The following ALG8 variants were observed in gnomAD, a reference collection of about 807,000 sequenced individuals.
ALG8 encodes the protein dolichyl pyrophosphate Glc1Man9GlcNAc2 alpha-1,3-glucosyltransferase.
ALG8 carries 48 observed loss-of-function variants against 70.2 expected under a neutral mutation model. The observed-to-expected ratio is 0.68, with a 90% CI of 0.54 to 0.87. The LOEUF is 0.87. ALG8 is among the 40% of genes least tolerant of loss of function. ALG8 has a pLI of 0.00. For missense variants in ALG8, 572 were observed against 608.7 expected (o/e 0.94, Z 0.64); for synonymous variants, 234 against 229.0 (o/e 1.02, Z -0.20).
At chr11:78,126,899 G>A (rs1474518463) in intron 2 of ALG8, among the ~76,000 whole-genome samples, 1 of 152,186 alleles carries the variant, frequency 6.6e-6, no homozygotes, top group East Asian at 1.9e-4. Context: ...TTGAAGTAAG[G>A]GGATTCCCTA....
intron 8 of ALG8, among the ~76,000 whole-genome samples, chr11:78,111,708 A>G (rs1860299476): frequency 6.6e-6 from 1 of 152,120 alleles, no homozygotes; most frequent in Admixed American, 6.5e-5. Context: ...GTTACAGAAA[A>G]AGTTTGCTGA....
chr11:78,121,288 T>A, intron 3 of ALG8, 114 bp from the exon 4 acceptor site: 5 of 186,706 alleles, frequency 2.7e-5, no homozygotes, highest in Non-Finnish European at 4.2e-5. Context: ...CATGCCATTC[T>A]TTTTTTTTTT....
chr11:78,139,236 C>T (rs1161609576), intron 1 of ALG8: 1 of 520,366 alleles, frequency 1.9e-6, no homozygotes, highest in Non-Finnish European at 3.5e-6. Context: ...TTCTTAACTG[C>T]CTATTAAGGA....
In ALG8 at chr11:78,121,167, T is replaced by C. The variant is rs762169500; in HGVS notation, c.376A>G (p.Lys126Glu). 1.1e-5 allele frequency: 17 copies of C among 1,605,706 alleles called. No individual in the cohort carries two copies. Among genetic ancestry groups the C allele is most frequent in the Non-Finnish European group, 1.4e-5 (17 of 1,172,784 alleles). Residue 126 changes from lysine (K) to glutamate (E), a missense_variant, in exon 4 of 13, where the codon AAA becomes GAA. Physicochemically the swap from Lys to Glu is moderately conservative, Grantham distance 56. Transcript: ENST00000299626. ...LFVYAVRECC[K>E]CIDGKKVGKE... ...CCCACTTTTTTTCCATCAATGCATT[T>C]ACAGCACCTACATTGAAACATTAGG...
Position 78,124,258 on chromosome 11 carries a change from T to G in ALG8, c.175-44A>C, listed in dbSNP as rs2136926142. 5.7e-6 allele frequency: 9 copies of G among 1,580,314 alleles called. No individual in the cohort carries two copies. In the East Asian group the frequency reaches 2.0e-4, roughly 35 times the overall value. On this transcript the variant is annotated intron_variant, in intron 2 of 12. Coordinates refer to ENST00000299626, the MANE Select transcript of ALG8 (RefSeq NM_024079.5). ...ATCAGACATATCCTAAATAACTGAA[T>G]AAACAAAGATGGTGCAACGATTTAA...
At chr11:78,137,457 T>C (rs1166053484) in intron 1 of ALG8, 1 of 152,192 alleles carries the variant, frequency 6.6e-6, no homozygotes, top group Non-Finnish European at 1.5e-5. Flanking sequence ...CTTGGCTGTT[T>C]GGCACAATGG....
intron 5 of ALG8, among the ~76,000 whole-genome samples, chr11:78,115,280 T>A (rs1860505570): frequency 6.6e-6 from 1 of 152,100 alleles, no homozygotes; most frequent in Non-Finnish European, 1.5e-5. Context: ...GTGATCCACC[T>A]GCCTCGGCCT....
chr11:78,113,844 A>C (rs781329791), intron 7 of ALG8, 42 bp downstream of exon 7: 18 of 1,433,310 alleles, frequency 1.3e-5, no homozygotes, highest in Non-Finnish European at 1.7e-5. Flanking sequence ...AACACCAACA[A>C]AGAACATGTA....
intron 12 of ALG8, among the ~76,000 whole-genome samples, chr11:78,101,465 C>T (rs1268548477): frequency 6.6e-6 from 1 of 151,826 alleles, no homozygotes; most frequent in Non-Finnish European, 1.5e-5. Flanking sequence ...CCCATCTCTA[C>T]TAAAAATACA....
At position 78,119,101 on chromosome 11, in the gene ALG8, C is replaced by G. The variant is rs1371503166; in HGVS notation, c.546+81G>C. On this transcript the variant is annotated intron_variant, in intron 5 of 12. Transcript: ENST00000299626. ...GCTCAAAACAGTCAAATAAATTTAC[C>G]TATCACCCACTACACTGTTCCCTTT... The G allele has an allele frequency of 1.2e-5, 13 of 1,065,034 alleles. No homozygotes were observed. In the Admixed American group the frequency reaches 2.1e-4, roughly 17 times the overall value. 66.0% of individuals were successfully genotyped at this position (1,065,034 alleles called of 1,614,324 possible).
At chr11:78,101,239 C>A (rs752715301) in intron 12 of ALG8, 44 bp from the exon 13 acceptor site, 21 of 1,511,832 alleles carry the variant, frequency 1.4e-5, no homozygotes, top group Non-Finnish European at 1.5e-5. Flanking sequence ...GATGAGTCAT[C>A]CTGGTTTAGC....
At chr11:78,103,553 G>T (rs1205121545) in intron 12 of ALG8, 1 of 155,510 alleles carries the variant, frequency 6.4e-6, no homozygotes, top group Non-Finnish European at 1.4e-5. Flanking sequence ...GCTTGAACCC[G>T]GTAGGCGGAG....
intron 1 of ALG8, chr11:78,135,233 A>C (rs7931687): frequency 6.6e-6 from 1 of 151,934 alleles, no homozygotes; most frequent in African/African-American, 2.4e-5. Flanking sequence ...CACACACCTT[A>C]AGTCCCAGCT....
intron 1 of ALG8, among the ~76,000 whole-genome samples, chr11:78,128,661 A>G (rs1861182360): frequency 7.0e-6 from 1 of 143,654 alleles, no homozygotes; most frequent in Non-Finnish European, 1.5e-5. Flanking sequence ...GCCAGGCTGG[A>G]GTGCAGTAGT....
rs139106381 is a variant in ALG8, at chr11:78,113,988, A to G, written c.675T>C (p.Asp225=). ...TGAAACTCTTCCATCGAATAGACCC[A>G]TCTACAGAAAAGGAACATTATCAGT... is the stretch of plus-strand genomic sequence containing the variant. The part of the protein sequence containing the change: ...RSYCFTANKP[D]GSIRWKSFSF... The change falls in exon 7 of 13, where the codon GAT becomes GAC. Residue 225 remains aspartate, a splice_region_variant and synonymous_variant. Transcript: ENST00000299626. 2,992 of 1,598,082 alleles carry G rather than the reference A, an allele frequency of 1.9e-3. 3 individuals carry two copies. Among genetic ancestry groups the G allele is most frequent in the Non-Finnish European group, 2.4e-3 (2,828 of 1,171,606 alleles).
intron 3 of ALG8, among the ~76,000 whole-genome samples, chr11:78,121,940 C>A (rs1336029450): frequency 6.6e-6 from 1 of 152,094 alleles, no homozygotes; most frequent in African/African-American, 2.4e-5. Flanking sequence ...CAGTAAGATC[C>A]TATTTTTATT....
chr11:78,117,145 T>C (rs191645089), intron 5 of ALG8, among the ~76,000 whole-genome samples: 122 of 152,314 alleles, frequency 8.0e-4, no homozygotes, highest in African/African-American at 2.9e-3. Flanking sequence ...GTGAGGTAAG[T>C]AGCCCCATTT....
At chr11:78,138,478 C>A (rs1861644970) in intron 1 of ALG8, among the ~76,000 whole-genome samples, 1 of 152,050 alleles carries the variant, frequency 6.6e-6, no homozygotes, top group Non-Finnish European at 1.5e-5. Context: ...TCTACATATA[C>A]ATTCCACTTA....
chr11:78,106,740 GA>G, intron 10 of ALG8, 66 bp downstream of exon 10: 1 of 1,601,594 alleles, frequency 6.2e-7, no homozygotes, highest in Non-Finnish European at 8.5e-7. Context: ...AGAAGGGACA[GA>G]GCAAATAGAA....
Sources: gnomAD v4.1 joint callset for allele counts (sites outside exome capture counted in the v4.1 genomes callset) on GRCh38, gnomAD v4.1.1 for gene constraint, MANE v1.5 for transcripts, NCBI Gene and HGNC (gene_info 2026-07-23, HGNC 2026-07-21) for gene names.